The following DAG1 variants were observed in gnomAD, a reference collection of about 807,000 sequenced individuals.
DAG1 encodes dystroglycan 1 (dystrophin-associated glycoprotein 1).
In DAG1, 8 loss-of-function variants were observed where a neutral mutation model predicts 46.1. The ratio of observed to expected loss-of-function variants is 0.17; its 90% CI spans 0.10 to 0.31. The LOEUF is 0.31. Ranked by LOEUF, DAG1 falls within the 10% of genes least tolerant of loss-of-function variation. DAG1 has a pLI of 1.00. For synonymous variants in DAG1, 495 were observed against 481.8 expected, an observed-to-expected ratio of 1.03 and a Z score of -0.36; for missense variants, 1,003 against 1,189.9, an observed-to-expected ratio of 0.84 and a Z score of 2.31.
In DAG1 at chr3:49,533,547, C is replaced by T. The variant is rs946256778; in HGVS notation, c.*348C>T. ...GAATGAACTCGCAGGCAGTGCCGGG[C>T]GGCCCCCTGGCTCTCTGCGTTTTGC... On this transcript the variant is annotated 3_prime_UTR_variant, in exon 3 of 3. Coordinates refer to ENST00000308775, the MANE Select transcript of DAG1 (RefSeq NM_004393.6). The T allele has an allele frequency of 1.8e-5, 9 of 490,510 alleles. No homozygotes were observed. Among genetic ancestry groups the T allele is most frequent in the Middle Eastern group, 3.1e-4 (1 of 3,274 alleles). The allele number at this position is 490,510 out of a possible 1,614,324, so 30.4% of individuals were successfully genotyped here.
intron 2 of DAG1, among the ~76,000 whole-genome samples, chr3:49,521,148 TG>T (rs1265110660): frequency 4.6e-5 from 7 of 152,068 alleles, no homozygotes; most frequent in African/African-American, 1.4e-4. Context: ...TTTTTTGTTT[TG>T]TTTTTTTGTT....
chr3:49,486,185 CT>C (rs1170848878), intron 1 of DAG1, among the ~76,000 whole-genome samples: 1 of 141,478 alleles, frequency 7.1e-6, no homozygotes, highest in African/African-American at 2.7e-5. Flanking sequence ...TTTTCTTTTT[CT>C]TTTATTTATT....
In DAG1 at chr3:49,532,357, C is replaced by T. The variant is rs372730352; in HGVS notation, c.1846C>T (p.Pro616Ser). 6 of 1,614,018 alleles carry T rather than the reference C, an allele frequency of 3.7e-6. No homozygotes were observed. The African/African-American group carries it at 8.0e-5, about 22-fold the overall frequency. The change falls in exon 3 of 3, where the codon CCG becomes TCG. Residue 616 changes from proline (P) to serine (S), a missense_variant. Pro to Ser is a moderately conservative substitution (Grantham distance 74, BLOSUM62 -1). This residue lies in a region of DAG1 where 755 missense variants were observed against 854.1 expected (regional missense o/e 0.88). Transcript: ENST00000308775. This position sits in a 1 kb window ranked among gnomAD's most constrained non-coding sequence, Gnocchi z 5.4. ...GTTCAAGGCCAAGTTTGTGGGTGAC[C>T]CGGCACTGGTGTTGAATGACATCCA... ...ARFKAKFVGD[P>S]ALVLNDIHKK... is the part of the protein sequence containing the mutation.
Position 49,533,310 on chromosome 3 carries a change from G to C in DAG1, c.*111G>C. ...CATTGCCCACCGGGAGCCGACACCTGACCTAGCACACACTGACACAGGGGC... is the reference window on the plus strand; with the variant it reads ...CATTGCCCACCGGGAGCCGACACCTCACCTAGCACACACTGACACAGGGGC... On this transcript the variant is annotated 3_prime_UTR_variant, in exon 3 of 3. Coordinates refer to ENST00000308775, the MANE Select transcript of DAG1 (RefSeq NM_004393.6). 1 of 1,490,428 alleles carries C rather than the reference G, an allele frequency of 6.7e-7. No homozygotes were observed. Among genetic ancestry groups the C allele is most frequent in the Non-Finnish European group, 9.1e-7 (1 of 1,101,062 alleles). 92.3% of individuals were successfully genotyped at this position (1,490,428 alleles called of 1,614,324 possible).
At chr3:49,530,270 C>T (rs185019128) in intron 2 of DAG1, among the ~76,000 whole-genome samples, 6 of 152,304 alleles carry the variant, frequency 3.9e-5, no homozygotes, top group Middle Eastern at 3.4e-3. Context: ...GAGCGTTGAG[C>T]CTTCCCTTGT....
chr3:49,501,809 C>T (rs1399460675), intron 1 of DAG1, among the ~76,000 whole-genome samples: 1 of 126,228 alleles, frequency 7.9e-6, no homozygotes, highest in Non-Finnish European at 1.7e-5. Flanking sequence ...GTGAGACTCC[C>T]TCTCCAAAAA....
intron 2 of DAG1, 42 bp downstream of exon 2, chr3:49,510,861 T>G (rs2329024): frequency 1.9e-6 from 3 of 1,609,520 alleles, no homozygotes; most frequent in Non-Finnish European, 2.5e-6. Flanking sequence ...GAGTTCTCAT[T>G]TTCCATTTTA....
chr3:49,507,183 AG>A (rs1423915706), intron 1 of DAG1, among the ~76,000 whole-genome samples: 1 of 151,576 alleles, frequency 6.6e-6, no homozygotes, highest in Non-Finnish European at 1.5e-5. Context: ...TCCAAAAAAA[AG>A]AAAAAGAAGA....
chr3:49,492,047 C>T (rs1280228218), intron 1 of DAG1, among the ~76,000 whole-genome samples: 1 of 152,126 alleles, frequency 6.6e-6, no homozygotes, highest in African/African-American at 2.4e-5. Flanking sequence ...CTGCCTCAGC[C>T]TCCTGAATAA....
intron 1 of DAG1, among the ~76,000 whole-genome samples, chr3:49,501,284 T>C (rs2050442470): frequency 6.6e-6 from 1 of 152,006 alleles, no homozygotes; most frequent in Admixed American, 6.6e-5. Flanking sequence ...GAGAATGAGA[T>C]TGGAATAGTG....
At chr3:49,480,370 G>T (rs1482735344) in intron 1 of DAG1, among the ~76,000 whole-genome samples, 1 of 150,184 alleles carries the variant, frequency 6.7e-6, no homozygotes, top group African/African-American at 2.4e-5. Context: ...CCGTCTCCTG[G>T]GTTCACACCA....
chr3:49,527,102 G>T, intron 2 of DAG1, among the ~76,000 whole-genome samples: 1 of 152,150 alleles, frequency 6.6e-6, no homozygotes, highest in East Asian at 1.9e-4. Flanking sequence ...GTTAAAAAGT[G>T]CCCTTGTGGC....
In DAG1 at chr3:49,533,286, A is replaced by G. The variant is rs1040599488; in HGVS notation, c.*87A>G. On this transcript the variant is annotated 3_prime_UTR_variant, in exon 3 of 3. Transcript: ENST00000308775. ...TGTGGAGACCGGTGGCCTGCAGACC[A>G]TTGCCCACCGGGAGCCGACACCTGA... 3 of 1,570,228 alleles carry G rather than the reference A, an allele frequency of 1.9e-6. No individual in the cohort carries two copies. The highest frequency in any genetic ancestry group is 3.5e-5 in the Admixed American group (2 of 56,356).
At chr3:49,487,588 C>G (rs1421080532) in intron 1 of DAG1, among the ~76,000 whole-genome samples, 1 of 151,988 alleles carries the variant, frequency 6.6e-6, no homozygotes, top group Non-Finnish European at 1.5e-5. Context: ...TGGGGTTGGC[C>G]CAGGAGGTGC....
intron 1 of DAG1, chr3:49,476,706 C>T (rs1325110583): frequency 6.6e-6 from 1 of 152,066 alleles, no homozygotes; most frequent in East Asian, 1.9e-4. Flanking sequence ...CTTACTGTGA[C>T]CTTTGACAAA....
intron 1 of DAG1, chr3:49,470,927 C>T (rs1475389909): frequency 6.6e-6 from 1 of 152,256 alleles, no homozygotes; most frequent in East Asian, 1.9e-4. Context: ...CCTTTGGAAG[C>T]TTGTTTACTT....
At chr3:49,477,087 T>C (rs2049700550) in intron 1 of DAG1, among the ~76,000 whole-genome samples, 1 of 151,846 alleles carries the variant, frequency 6.6e-6, no homozygotes, top group Non-Finnish European at 1.5e-5. Flanking sequence ...AACCTTTGCC[T>C]CCCGGGTTCA....
intron 2 of DAG1, among the ~76,000 whole-genome samples, chr3:49,523,410 G>A (rs1244423329): frequency 6.6e-6 from 1 of 152,270 alleles, no homozygotes; most frequent in Admixed American, 6.5e-5. Flanking sequence ...AGAGGTGAAA[G>A]CAGGTCTTTG....
At chr3:49,514,300 T>G (rs2050836242) in intron 2 of DAG1, among the ~76,000 whole-genome samples, 1 of 152,092 alleles carries the variant, frequency 6.6e-6, no homozygotes. Context: ...ATAATAATGA[T>G]GCATAAATGT....
Sources: gnomAD v4.1 joint callset for allele counts (sites outside exome capture counted in the v4.1 genomes callset) on GRCh38, gnomAD v4.1.1 for gene constraint, gnomAD v4.1.1 regional missense constraint, Gnocchi (gnomAD v3.1) non-coding constraint, MANE v1.5 for transcripts, NCBI Gene and HGNC (gene_info 2026-07-23, HGNC 2026-07-21) for gene names.